Variants in NSL1 observed in about 807,000 individuals in gnomAD.
NSL1 encodes NSL1 component of MIS12 kinetochore complex.
NSL1 carries 11 observed loss-of-function variants against 25.4 expected under a neutral mutation model. The ratio of observed to expected loss-of-function variants is 0.43; its 90% CI spans 0.27 to 0.72. The LOEUF (loss-of-function observed/expected upper bound fraction) is 0.72. Ranked by LOEUF, NSL1 falls within the 30% of genes least tolerant of loss-of-function variation. NSL1 has a pLI of 0.19. For missense variants in NSL1, 330 were observed against 342.7 expected, an observed-to-expected ratio of 0.96 and a Z score of 0.29; for synonymous variants, 118 against 120.6, an observed-to-expected ratio of 0.98 and a Z score of 0.14.
chr1:212,750,226 A>G (rs1659002635), intron 4 of NSL1, among the ~76,000 whole-genome samples: 1 of 152,082 alleles, frequency 6.6e-6, no homozygotes, highest in Non-Finnish European at 1.5e-5. Context: ...GGTGAGATCA[A>G]TCTAACAAGG....
intron 4 of NSL1, among the ~76,000 whole-genome samples, chr1:212,765,577 T>C (rs1021619901): frequency 6.6e-6 from 1 of 152,052 alleles, no homozygotes; most frequent in African/African-American, 2.4e-5. Context: ...TCCCAGCACT[T>C]TGGGAGGCTG....
At chr1:212,758,488 T>A (rs1659414091) in intron 4 of NSL1, among the ~76,000 whole-genome samples, 1 of 152,220 alleles carries the variant, frequency 6.6e-6, no homozygotes, top group Admixed American at 6.5e-5. Flanking sequence ...TATACAAAAA[T>A]TAATTCTATC....
At chr1:212,783,619 A>C (rs1303012899) in intron 3 of NSL1, among the ~76,000 whole-genome samples, 7 of 152,178 alleles carry the variant, frequency 4.6e-5, no homozygotes. Context: ...TAAACACAAC[A>C]TGTACCTCAC....
At chr1:212,755,995 T>C (rs749163439) in intron 4 of NSL1, among the ~76,000 whole-genome samples, 24 of 152,174 alleles carry the variant, frequency 1.6e-4, no homozygotes, top group Admixed American at 9.2e-4. Context: ...TATTTATTCC[T>C]GTAACAATTA....
chr1:212,769,801 A>T (rs879746069), intron 4 of NSL1, among the ~76,000 whole-genome samples: 2 of 152,204 alleles, frequency 1.3e-5, no homozygotes, highest in Non-Finnish European at 2.9e-5. Flanking sequence ...GGATATATAA[A>T]ACAACCAGAA....
Position 212,731,816 on chromosome 1 carries a change from C to G in NSL1, c.*6592G>C, listed in dbSNP as rs1021255982. Reference sequence around the variant, plus strand: ...CACTGTTACAAACATATGGATTGTACTGGTTGGCACAGAAGCCTCCTCACT... The same window carrying G: ...CACTGTTACAAACATATGGATTGTAGTGGTTGGCACAGAAGCCTCCTCACT... On this transcript the variant is annotated 3_prime_UTR_variant, in exon 6 of 6. Coordinates refer to ENST00000366977, the MANE Select transcript of NSL1 (RefSeq NM_015471.4). 14 of 985,258 alleles carry G rather than the reference C, an allele frequency of 1.4e-5. No individual in the cohort carries two copies. The highest frequency in any genetic ancestry group is 1.7e-5 in the African/African-American group (1 of 57,208). The allele number at this position is 985,258 out of a possible 1,614,324, so 61.0% of individuals were successfully genotyped here.
At chr1:212,764,696 A>T (rs921576159) in intron 4 of NSL1, among the ~76,000 whole-genome samples, 23 of 151,784 alleles carry the variant, frequency 1.5e-4, no homozygotes, top group African/African-American at 5.3e-4. Context: ...AAATACAAAA[A>T]TCAGCCAGGC....
chr1:212,759,679 C>T (rs889171564), intron 4 of NSL1, among the ~76,000 whole-genome samples: 12 of 152,154 alleles, frequency 7.9e-5, no homozygotes, highest in Non-Finnish European at 1.8e-4. Context: ...GGCCCAAAAG[C>T]CCCTACATCT....
chr1:212,783,047 T>G (rs912031745), intron 3 of NSL1, among the ~76,000 whole-genome samples: 2 of 152,126 alleles, frequency 1.3e-5, no homozygotes, highest in East Asian at 3.9e-4. Flanking sequence ...TGACTCACAC[T>G]TGTAATTGCA....
intron 4 of NSL1, among the ~76,000 whole-genome samples, chr1:212,744,525 TAAC>T (rs1658667377): frequency 6.6e-6 from 1 of 152,090 alleles, no homozygotes; most frequent in Non-Finnish European, 1.5e-5. Context: ...AAAAGGAAAT[TAAC>T]AAACTGTCAC....
At chr1:212,758,384 A>C (rs541698498) in intron 4 of NSL1, among the ~76,000 whole-genome samples, 5 of 152,238 alleles carry the variant, frequency 3.3e-5, no homozygotes, top group Admixed American at 6.5e-5. Context: ...TGCAGATGAC[A>C]TGATCTTTTA....
chr1:212,765,520 T>C (rs555875168), intron 4 of NSL1, among the ~76,000 whole-genome samples: 1 of 152,184 alleles, frequency 6.6e-6, no homozygotes, highest in South Asian at 2.1e-4. Context: ...AAAAAGCATA[T>C]GGTAAAATCC....
chr1:212,738,175 G>A lies in NSL1; in HGVS notation c.*233C>T, dbSNP rs904483777. 3.5e-5 allele frequency: 43 copies of A among 1,238,034 alleles called. No homozygotes were observed. The highest frequency in any genetic ancestry group is 4.2e-5 in the Non-Finnish European group (42 of 989,716). The allele number at this position is 1,238,034 out of a possible 1,614,324, so 76.7% of individuals were successfully genotyped here. A position where few individuals can be genotyped will look rare whatever the true frequency, so the allele number is the denominator to read the frequency against. Reference sequence around the variant, plus strand: ...ACTTTTAATATTTTTAATGCCCACTGATGGGCTTTGTGTCAATACTTTTTA... The same window carrying A: ...ACTTTTAATATTTTTAATGCCCACTAATGGGCTTTGTGTCAATACTTTTTA... On this transcript the variant is annotated 3_prime_UTR_variant, in exon 6 of 6. Coordinates refer to ENST00000366977, the MANE Select transcript of NSL1 (RefSeq NM_015471.4).
chr1:212,758,180 C>T (rs1659398334), intron 4 of NSL1, among the ~76,000 whole-genome samples: 1 of 152,152 alleles, frequency 6.6e-6, no homozygotes, highest in South Asian at 2.1e-4. Flanking sequence ...ACATATCAAA[C>T]ACCATACTAG....
chr1:212,777,550 T>C (rs78487128), intron 4 of NSL1, among the ~76,000 whole-genome samples: 2,302 of 152,282 alleles, frequency 0.015, 61 homozygotes, highest in African/African-American at 0.053. Flanking sequence ...TACAAAATGA[T>C]ATGATCAGTA....
At chr1:212,768,195 C>T (rs1275933100) in intron 4 of NSL1, among the ~76,000 whole-genome samples, 1 of 152,030 alleles carries the variant, frequency 6.6e-6, no homozygotes, top group Non-Finnish European at 1.5e-5. Flanking sequence ...TGGCACACGC[C>T]TGTAGTCCCA....
intron 4 of NSL1, among the ~76,000 whole-genome samples, chr1:212,754,483 C>T (rs999189554): frequency 3.9e-5 from 6 of 152,046 alleles, no homozygotes; most frequent in African/African-American, 1.2e-4. Context: ...CTGAAAAAAA[C>T]TGCCACTAAC....
chr1:212,778,832 A>C (rs2102395014), intron 4 of NSL1, among the ~76,000 whole-genome samples: 1 of 152,100 alleles, frequency 6.6e-6, no homozygotes, highest in South Asian at 2.1e-4. Flanking sequence ...CCGTCTGGGA[A>C]GTGAGGAGCG....
intron 1 of NSL1, 146 bp downstream of exon 1, chr1:212,791,381 TCTC>T (rs1571935584): frequency 5.4e-6 from 4 of 734,966 alleles, no homozygotes; most frequent in African/African-American, 3.5e-5. Flanking sequence ...TCTATTTCTT[TCTC>T]CTCTAGCGTT....
Sources: allele counts gnomAD v4.1 joint callset (sites outside exome capture counted in the v4.1 genomes callset), GRCh38; gene constraint gnomAD v4.1.1; transcripts MANE v1.5; gene names NCBI Gene and HGNC (gene_info 2026-07-23, HGNC 2026-07-21).